The following EFCAB5 variants were observed in gnomAD, a reference collection of about 807,000 sequenced individuals.
The protein encoded by EFCAB5 is EF-hand calcium binding domain 5.
EFCAB5 carries 131 observed loss-of-function variants against 167.9 expected under a neutral mutation model. The ratio of observed to expected loss-of-function variants is 0.78; its 90% confidence interval spans 0.68 to 0.90. The LOEUF is 0.90. EFCAB5 is among the 40% of genes least tolerant of loss of function. The pLI is 0.00. For missense variants in EFCAB5, 1,663 were observed against 1,745.2 expected, an observed-to-expected ratio of 0.95 and a Z score of 0.84; for synonymous variants, 574 against 602.8, an observed-to-expected ratio of 0.95 and a Z score of 0.70.
At chr17:29,990,959 C>A (rs1376462752) in intron 4 of EFCAB5, among the ~76,000 whole-genome samples, 1 of 152,064 alleles carries the variant, frequency 6.6e-6, no homozygotes, top group Non-Finnish European at 1.5e-5. Flanking sequence ...TAGGGACAAA[C>A]CTCTCCCTCC....
At chr17:29,954,984 CT>C (rs537218231) in intron 3 of EFCAB5, among the ~76,000 whole-genome samples, 64 of 152,172 alleles carry the variant, frequency 4.2e-4, no homozygotes, top group Non-Finnish European at 7.8e-4. Context: ...CCTGTAGCCC[CT>C]TTGTTTTGCC....
chr17:30,000,171 A>T (rs879721476), intron 7 of EFCAB5, among the ~76,000 whole-genome samples, 195 bp downstream of exon 7: 5 of 152,184 alleles, frequency 3.3e-5, no homozygotes, highest in Non-Finnish European at 7.4e-5. Flanking sequence ...ATCACGCATG[A>T]TGTGAGAGTA....
intron 8 of EFCAB5, among the ~76,000 whole-genome samples, chr17:30,035,455 C>T (rs1261542983): frequency 6.6e-6 from 1 of 152,174 alleles, no homozygotes; most frequent in African/African-American, 2.4e-5. Context: ...CTTCCATCCT[C>T]GTAGGATTCC....
chr17:29,982,467 A>G (rs1394275993), intron 4 of EFCAB5, among the ~76,000 whole-genome samples: 2 of 152,220 alleles, frequency 1.3e-5, no homozygotes, highest in Non-Finnish European at 2.9e-5. Context: ...ACCTTCAAAC[A>G]AACAAACACT....
intron 3 of EFCAB5, among the ~76,000 whole-genome samples, chr17:29,964,447 A>G (rs1323837689): frequency 6.6e-6 from 1 of 151,940 alleles, no homozygotes; most frequent in East Asian, 1.9e-4. Flanking sequence ...GGTGCATGCC[A>G]CCACACCTGG....
chr17:30,102,729 G>C (rs1432808341), intron 22 of EFCAB5, among the ~76,000 whole-genome samples: 1 of 152,036 alleles, frequency 6.6e-6, no homozygotes. Context: ...TTAAAAAACT[G>C]TCTCTGGGGC....
chr17:30,097,020 A>G (rs937890483), intron 22 of EFCAB5, among the ~76,000 whole-genome samples: 1 of 119,140 alleles, frequency 8.4e-6, no homozygotes, highest in African/African-American at 4.0e-5. Context: ...ATACATATAC[A>G]TATACATATA....
chr17:30,079,728 C>T (rs1283431141), intron 15 of EFCAB5, among the ~76,000 whole-genome samples: 1 of 152,200 alleles, frequency 6.6e-6, no homozygotes. Context: ...CTCAAATCAA[C>T]ACTTTCAATA....
chr17:29,998,592 C>G (rs1335044283), intron 6 of EFCAB5, among the ~76,000 whole-genome samples: 2 of 152,192 alleles, frequency 1.3e-5, no homozygotes, highest in African/African-American at 4.8e-5. Context: ...GCATAATCAT[C>G]TGGAGCTTGG....
At chr17:29,996,273 C>T (rs1166210358) in intron 5 of EFCAB5, 39 bp from the exon 6 acceptor site, 2 of 1,483,056 alleles carry the variant, frequency 1.3e-6, no homozygotes, top group Non-Finnish European at 1.8e-6. Flanking sequence ...TGAGGAGTGG[C>T]ATATGGTTTC....
At chr17:29,972,110 T>C (rs2067966538) in intron 4 of EFCAB5, among the ~76,000 whole-genome samples, 1 of 151,862 alleles carries the variant, frequency 6.6e-6, no homozygotes, top group Non-Finnish European at 1.5e-5. Flanking sequence ...TGATCTCGGC[T>C]CACTGCAAGC....
chr17:30,000,045 T>C, intron 7 of EFCAB5, 69 bp downstream of exon 7: 1 of 1,116,694 alleles, frequency 9.0e-7, no homozygotes, highest in Admixed American at 2.3e-5. Flanking sequence ...TTGGTGGCTG[T>C]CACACATCAT....
rs190450097 is a variant in EFCAB5 at position 30,090,503 on chromosome 17, C to T, written c.3766C>T (p.Arg1256Cys). 15 of 1,613,914 alleles carry T rather than the reference C, an allele frequency of 9.3e-6. No individual in the cohort carries two copies. In the East Asian group the frequency reaches 1.6e-4, roughly 17 times the overall value. The stretch of plus-strand genomic sequence containing the variant: ...AGAAACGCATATAGTAGTTCCACTT[C>T]GTGAGAGAACAGGAGAGGCTCTGGG... ...CGETHIVVPL[R>C]ERTGEALGVL... Residue 1256 changes from arginine (R) to cysteine (C), a missense_variant, in exon 20 of 23, where the codon CGT (arginine) becomes TGT (cysteine). Transcript: ENST00000394835.
rs117430045 is a variant in EFCAB5, at chr17:30,055,123, C to T, written c.2195-765C>T. On this transcript the variant is annotated intron_variant, in intron 10 of 22. Transcript: ENST00000394835. ...AACCAGCCTGAGCAACATGGCGAAACGCCATCTCAAAAAAAAAAATTAGCT... is the reference window on the plus strand; with the variant it reads ...AACCAGCCTGAGCAACATGGCGAAATGCCATCTCAAAAAAAAAAATTAGCT... Among the ~76,000 whole-genome samples, 431 of 151,790 alleles carry T rather than the reference C, an allele frequency of 2.8e-3. 3 individuals are homozygous for T. The highest frequency in any genetic ancestry group is 7.2e-3 in the African/African-American group (298 of 41,300).
At chr17:30,011,584 A>C (rs1008311652) in intron 7 of EFCAB5, among the ~76,000 whole-genome samples, 1 of 152,208 alleles carries the variant, frequency 6.6e-6, no homozygotes, top group East Asian at 1.9e-4. Flanking sequence ...ATGGGAGTTC[A>C]CTCATGATTT....
chr17:29,961,985 A>C (rs1396343847), intron 3 of EFCAB5, among the ~76,000 whole-genome samples: 4 of 152,230 alleles, frequency 2.6e-5, no homozygotes, highest in African/African-American at 7.2e-5. Context: ...CCCTTGTCAC[A>C]AATCAATTGA....
rs767781292 is a variant in EFCAB5 at position 29,942,307 on chromosome 17, A to G, written c.105+5A>G. The G allele has an allele frequency of 1.8e-5, 28 of 1,579,866 alleles. No individual in the cohort carries two copies. The South Asian group carries it at 3.2e-4, about 18-fold the overall frequency. The stretch of plus-strand genomic sequence containing the variant: ...GAAGTGAAAGAGCTTCATGAGGTAG[A>G]GTTGGCATGAATAAATCAGATATTA... On this transcript the variant is annotated splice_donor_5th_base_variant and intron_variant, in intron 2 of 22. Transcript: ENST00000394835.
intron 22 of EFCAB5, among the ~76,000 whole-genome samples, chr17:30,106,294 T>C (rs1311070378): frequency 2.0e-5 from 3 of 151,346 alleles, no homozygotes; most frequent in Non-Finnish European, 2.9e-5. Context: ...TATTTATAAT[T>C]ATAAATAAAT....
chr17:30,100,071 G>T (rs2151858315), intron 22 of EFCAB5, among the ~76,000 whole-genome samples: 1 of 152,184 alleles, frequency 6.6e-6, no homozygotes, highest in Non-Finnish European at 1.5e-5. Context: ...AGGATTCTGG[G>T]ATATACAGAA....
Sources: allele counts gnomAD v4.1 joint callset (sites outside exome capture counted in the v4.1 genomes callset), GRCh38; gene constraint gnomAD v4.1.1; transcripts MANE v1.5; gene names NCBI Gene and HGNC (gene_info 2026-07-23, HGNC 2026-07-21).